KLHDC1: variants seen among roughly 807,000 people sequenced by gnomAD.
The protein encoded by KLHDC1 is kelch domain-containing protein 1.
A neutral mutation model predicts 68.3 loss-of-function variants in KLHDC1; 53 were observed. The observed-to-expected ratio is 0.78, with a 90% CI of 0.62 to 0.98. The LOEUF (loss-of-function observed/expected upper bound fraction) is 0.98, where lower values mean the gene tolerates loss of function less well. Ranked by LOEUF, KLHDC1 falls within the 50% of genes least tolerant of loss-of-function variation. The pLI is 0.00. For synonymous variants in KLHDC1, 148 were observed against 159.0 expected (o/e 0.93, Z 0.52); for missense variants, 470 against 492.3 (o/e 0.95, Z 0.43).
At chr14:49,743,241 A>G (rs971258162) in intron 11 of KLHDC1, among the ~76,000 whole-genome samples, 2 of 151,768 alleles carry the variant, frequency 1.3e-5, no homozygotes, top group African/African-American at 4.8e-5. Context: ...TACTAAAAAT[A>G]CAAAAAAAAT....
At chr14:49,728,061 C>A (rs965871586) in intron 6 of KLHDC1, among the ~76,000 whole-genome samples, 1 of 152,238 alleles carries the variant, frequency 6.6e-6, no homozygotes, top group Non-Finnish European at 1.5e-5. Context: ...ATGGCTCACG[C>A]CTGTAATCTC....
chr14:49,736,417 T>C (rs1476660697), intron 10 of KLHDC1, among the ~76,000 whole-genome samples: 1 of 152,174 alleles, frequency 6.6e-6, no homozygotes, highest in Non-Finnish European at 1.5e-5. Flanking sequence ...GGAAAGGCTT[T>C]CCAGTGTTCT....
At chr14:49,720,365 C>T (rs1018182047) in intron 4 of KLHDC1, among the ~76,000 whole-genome samples, 1 of 152,200 alleles carries the variant, frequency 6.6e-6, no homozygotes, top group Non-Finnish European at 1.5e-5. Context: ...AGCACTCCTC[C>T]TGCCTCAACC....
At chr14:49,713,850 A>ATAT (rs1888295151) in intron 4 of KLHDC1, among the ~76,000 whole-genome samples, 2 of 50,228 alleles carry the variant, frequency 4.0e-5, no homozygotes, top group East Asian at 1.0e-3. Flanking sequence ...ATATATATAT[A>ATAT]TTTTTTTTTT....
At chr14:49,749,988 A>T (rs1889287677) in intron 12 of KLHDC1, among the ~76,000 whole-genome samples, 1 of 152,228 alleles carries the variant, frequency 6.6e-6, no homozygotes, top group Admixed American at 6.5e-5. Context: ...TGAACCCAGG[A>T]GTGGGAGGTT....
Position 49,748,750 on chromosome 14 carries a change from TAA to T in KLHDC1, c.1035-2832_1035-2831del, listed in dbSNP as rs1163829649. ...ATATATACATGTATTAGTAAAATTA[TAA>T]AAATTGTACATGTATATATATGTAT... On this transcript the variant is annotated intron_variant, in intron 12 of 12. Coordinates refer to ENST00000359332, the MANE Select transcript of KLHDC1 (RefSeq NM_172193.3). Among the ~76,000 whole-genome samples the T allele has an allele frequency of 2.6e-5, 4 of 151,818 alleles. No homozygotes were observed. The East Asian group carries it at 7.7e-4, about 29-fold the overall frequency.
intron 1 of KLHDC1, among the ~76,000 whole-genome samples, chr14:49,693,615 T>G (rs1887637893): frequency 2.0e-5 from 3 of 151,968 alleles, no homozygotes; most frequent in Admixed American, 2.0e-4. Context: ...CCTTAAATAC[T>G]GGCGCAGACC....
chr14:49,715,178 A>T (rs1429343903), intron 4 of KLHDC1, among the ~76,000 whole-genome samples: 1 of 149,526 alleles, frequency 6.7e-6, no homozygotes, highest in Non-Finnish European at 1.5e-5. Flanking sequence ...GCTGGAGTGC[A>T]GTGGCATGAT....
chr14:49,751,776 G>A lies in KLHDC1; in HGVS notation c.*4G>A. The A allele has an allele frequency of 3.4e-6, 5 of 1,453,824 alleles. No individual in the cohort carries two copies. Among genetic ancestry groups the A allele is most frequent in the Non-Finnish European group, 4.7e-6 (5 of 1,059,372 alleles). The allele number at this position is 1,453,824 out of a possible 1,614,324, so 90.1% of individuals were successfully genotyped here. Reference sequence around the variant, plus strand: ...TCAGTGGATCAGTAGCAATTAAATTGTTATATACTTTACATATTTAGTATG... The same window carrying A: ...TCAGTGGATCAGTAGCAATTAAATTATTATATACTTTACATATTTAGTATG... On this transcript the variant is annotated 3_prime_UTR_variant, in exon 13 of 13. Coordinates refer to ENST00000359332, the MANE Select transcript of KLHDC1 (RefSeq NM_172193.3).
At chr14:49,732,249 T>A (rs988241771) in intron 8 of KLHDC1, among the ~76,000 whole-genome samples, 3 of 152,046 alleles carry the variant, frequency 2.0e-5, no homozygotes, top group Non-Finnish European at 4.4e-5. Context: ...CTTGGCTCAC[T>A]GCAACCTCCA....
chr14:49,726,726 C>T (rs942071833), intron 6 of KLHDC1, among the ~76,000 whole-genome samples: 2 of 152,132 alleles, frequency 1.3e-5, no homozygotes, highest in African/African-American at 2.4e-5. Flanking sequence ...TGGAATGGCA[C>T]ACAAAGTAGA....
intron 8 of KLHDC1, 57 bp from the exon 9 acceptor site, chr14:49,732,645 TAA>T: frequency 1.2e-6 from 1 of 867,584 alleles, no homozygotes; most frequent in Non-Finnish European, 1.8e-6. Context: ...CTAAGATGAT[TAA>T]AAACCTTTTA....
intron 12 of KLHDC1, among the ~76,000 whole-genome samples, chr14:49,744,121 CAA>C (rs35140225): frequency 4.5e-4 from 66 of 148,268 alleles, no homozygotes; most frequent in Non-Finnish European, 4.3e-4. Context: ...CACGACTCTA[CAA>C]AAAAAAAAAA....
chr14:49,737,775 G>T (rs955538434), intron 10 of KLHDC1, among the ~76,000 whole-genome samples: 1 of 150,076 alleles, frequency 6.7e-6, no homozygotes, highest in African/African-American at 2.4e-5. Context: ...TGAGGTGGGA[G>T]GATCACTTGA....
At chr14:49,711,293 C>T (rs1888193634) in intron 4 of KLHDC1, among the ~76,000 whole-genome samples, 1 of 152,188 alleles carries the variant, frequency 6.6e-6, no homozygotes, top group Non-Finnish European at 1.5e-5. Context: ...CCTCCACCTC[C>T]CAGGTTCAAG....
intron 11 of KLHDC1, among the ~76,000 whole-genome samples, chr14:49,742,093 T>C (rs1182756487): frequency 1.3e-5 from 2 of 152,224 alleles, no homozygotes; most frequent in Non-Finnish European, 2.9e-5. Context: ...TGGCTGAGAA[T>C]TCAGTGCTTC....
chr14:49,749,677 CAAAAAAAA>C (rs1191978580), intron 12 of KLHDC1, among the ~76,000 whole-genome samples: 4 of 53,796 alleles, frequency 7.4e-5, no homozygotes, highest in Non-Finnish European at 1.2e-4. Flanking sequence ...GACTCCGTCT[CAAAAAAAA>C]AAAAAAAAAA....
At chr14:49,714,145 C>G (rs1444806427) in intron 4 of KLHDC1, among the ~76,000 whole-genome samples, 1 of 151,190 alleles carries the variant, frequency 6.6e-6, no homozygotes, top group African/African-American at 2.4e-5. Context: ...CTGTGCTCAG[C>G]TAGAATATAT....
chr14:49,747,022 C>T (rs1437988732), intron 12 of KLHDC1, among the ~76,000 whole-genome samples: 1 of 151,278 alleles, frequency 6.6e-6, no homozygotes, highest in African/African-American at 2.4e-5. Context: ...TCTCAGCTCA[C>T]TGCAAGCTCC....
Sources: allele counts gnomAD v4.1 joint callset (sites outside exome capture counted in the v4.1 genomes callset), GRCh38; gene constraint gnomAD v4.1.1; transcripts MANE v1.5; gene names NCBI Gene and HGNC (gene_info 2026-07-23, HGNC 2026-07-21).